Variants in ITGB1BP2 observed in about 807,000 individuals in gnomAD.
ITGB1BP2 encodes the protein integrin beta-1-binding protein 2.
Under a neutral mutation model 32.2 loss-of-function variants are expected in ITGB1BP2, and 27 were observed. The ratio of observed to expected loss-of-function variants is 0.84; its 90% CI spans 0.62 to 1.16. The LOEUF (loss-of-function observed/expected upper bound fraction) is 1.16, where lower values mean the gene tolerates loss of function less well. Ranked by LOEUF, ITGB1BP2 falls within the 50% of genes most tolerant of loss-of-function variation. The pLI, the probability that ITGB1BP2 is intolerant of heterozygous loss-of-function variation, is 0.00. For missense variants in ITGB1BP2, 250 were observed against 267.3 expected (o/e 0.94, Z 0.45); for synonymous variants, 105 against 94.7 (o/e 1.11, Z -0.63).
Position 71,302,297 on chromosome X carries a change from GCGAA to G in ITGB1BP2, c.137_140del (p.Arg46LeufsTer2), listed in dbSNP as rs771775702. On this transcript the variant is annotated frameshift_variant, in exon 3 of 11. Coordinates refer to ENST00000373829, the MANE Select transcript of ITGB1BP2 (RefSeq NM_012278.4). LOFTEE classifies it high-confidence loss of function. ...ATCAGGGTTGGTCCTGCTGCCGAAA[GCGAA>G]CTGTAGATTTCTCTGAGTTCTTAAA... The G allele has an allele frequency of 1.2e-5, 14 of 1,211,369 alleles. No individual in the cohort carries two copies. The highest frequency in any genetic ancestry group is 2.3e-4 in the Middle Eastern group (1 of 4,355).
chrX:71,301,957 GA>G, intron 1 of ITGB1BP2, 87 bp downstream of exon 1: 1 of 931,520 alleles, frequency 1.1e-6, no homozygotes, highest in Non-Finnish European at 1.5e-6. Context: ...GAGGAGCGGG[GA>G]AAGAAACTAC....
intron 10 of ITGB1BP2, 85 bp downstream of exon 10, chrX:71,304,689 G>A: frequency 1.3e-6 from 1 of 780,352 alleles, no homozygotes; most frequent in South Asian, 2.3e-5. Flanking sequence ...CTTGAGGGAA[G>A]GAGTTGTACT....
chrX:71,302,471 C>T lies in ITGB1BP2; in HGVS notation c.232C>T (p.Pro78Ser), dbSNP rs2031631150. The T allele has an allele frequency of 2.5e-6, 3 of 1,211,202 alleles. No homozygotes were observed. Among genetic ancestry groups the T allele is most frequent in the Non-Finnish European group, 3.4e-6 (3 of 895,170 alleles). ...KLPEAPQPEG[P>S]ATSSSLQEQK... ...TCCTGAGGCCCCTCAACCTGAAGGC[C>T]CTGCTACAAGCAGTTCACTTCAGGA... Residue 78 changes from proline (P) to serine (S), a missense_variant, in exon 4 of 11, where the codon CCT (proline) becomes TCT (serine). By Grantham distance (74) the Pro-to-Ser change is moderately conservative (BLOSUM62 -1). Coordinates refer to ENST00000373829, the MANE Select transcript of ITGB1BP2 (RefSeq NM_012278.4).
At chrX:71,302,975 C>T (rs1276566848) in intron 4 of ITGB1BP2, among the ~76,000 whole-genome samples, 3 of 111,511 alleles carry the variant, frequency 2.7e-5, no homozygotes, top group African/African-American at 9.8e-5. Flanking sequence ...CATATTAGGT[C>T]CACGATTAGA....
chrX:71,303,730 A>G lies in ITGB1BP2; in HGVS notation c.539+33A>G, dbSNP rs16992475. The G allele has an allele frequency of 1.1e-3, 1,303 of 1,189,039 alleles. 10 individuals carry two copies. In the African/African-American group the frequency reaches 0.02, roughly 18 times the overall value. On this transcript the variant is annotated intron_variant, in intron 7 of 10. Transcript: ENST00000373829. The stretch of plus-strand genomic sequence containing the variant: ...AGGGGACTGGGTGGGCTATGAGGCT[A>G]TGAGACAGGTTTCTCCTAATATTTG...
chrX:71,303,784 A>G (rs2031653384), intron 7 of ITGB1BP2, 28 bp from the exon 8 acceptor site: 1 of 1,182,663 alleles, frequency 8.5e-7, no homozygotes, highest in Non-Finnish European at 1.1e-6. Flanking sequence ...GGGTGAGAGA[A>G]TTCAGTTGAA....
At chrX:71,303,580 AG>A in intron 6 of ITGB1BP2, 46 bp from the exon 7 acceptor site, 16 of 1,202,457 alleles carry the variant, frequency 1.3e-5, no homozygotes, top group Non-Finnish European at 1.8e-5. Context: ...AGATAGGCTG[AG>A]TAGGATATAC....
intron 1 of ITGB1BP2, 69 bp downstream of exon 1, chrX:71,301,939 G>C (rs1216165353): frequency 2.0e-6 from 2 of 993,022 alleles, no homozygotes; most frequent in Admixed American, 4.6e-5. Flanking sequence ...CTGGGGGGCA[G>C]TGTGTTTGAG....
intron 5 of ITGB1BP2, 49 bp downstream of exon 5, chrX:71,303,405 A>C (rs754718777): frequency 2.5e-6 from 3 of 1,207,824 alleles, no homozygotes; most frequent in Non-Finnish European, 3.4e-6. Flanking sequence ...AATTTAGTGG[A>C]AGTGGCAATT....
Position 71,305,263 on chromosome X carries a change from T to C in ITGB1BP2, c.*71T>C. On this transcript the variant is annotated 3_prime_UTR_variant, in exon 11 of 11. Transcript: ENST00000373829. ...TAGAATCTTAGATACCAGGATATTG[T>C]TGGCCATGTGGCATCATTGAGCAGC... 1.0e-6 allele frequency: 1 copy of C among 960,040 alleles called. No individual in the cohort carries two copies. Among genetic ancestry groups the C allele is most frequent in the Non-Finnish European group, 1.4e-6 (1 of 697,383 alleles). The allele number at this position is 960,040 out of a possible 1,213,427, so 79.1% of individuals were successfully genotyped here. A position where few individuals can be genotyped will look rare whatever the true frequency, so the allele number is the denominator to read the frequency against.
At chrX:71,302,207 G>A (rs768768529) in intron 2 of ITGB1BP2, 21 bp downstream of exon 2, 4 of 1,210,497 alleles carry the variant, frequency 3.3e-6, no homozygotes, top group Non-Finnish European at 4.5e-6. Context: ...GGTGAGGGGG[G>A]TTAGCAAGAG....
At chrX:71,302,688 T>A in intron 4 of ITGB1BP2, 132 bp downstream of exon 4, 1 of 725,075 alleles carries the variant, frequency 1.4e-6, no homozygotes, top group Non-Finnish European at 2.0e-6. Flanking sequence ...TTGGATGGTG[T>A]ATATCCTGTG....
At chrX:71,304,378 G>T (rs2031663403) in intron 9 of ITGB1BP2, 78 bp downstream of exon 9, 1 of 914,866 alleles carries the variant, frequency 1.1e-6, no homozygotes. Context: ...GTTGCCATTT[G>T]CTGTTAACCT....
At position 71,305,117 on chromosome X, in the gene ITGB1BP2, G is replaced by C. The variant is rs745641888; in HGVS notation, c.969G>C (p.Glu323Asp). The C allele has an allele frequency of 2.0e-5, 24 of 1,208,839 alleles. No individual in the cohort carries two copies. The South Asian group carries it at 3.7e-4, about 19-fold the overall frequency. ...CAGGGGTTGTGTTAGAGATGGATGA[G>C]GAAGAATCTGACGATTCAGATGATG... is the stretch of plus-strand genomic sequence containing the variant. Reference protein sequence around the residue: ...ARAGVVLEMDEEESDDSDDDL... With the variant: ...ARAGVVLEMDDEESDDSDDDL... The change falls in exon 11 of 11, where the codon GAG (glutamate) becomes GAC (aspartate). Residue 323 changes from glutamate (E) to aspartate (D), a missense_variant. Coordinates refer to ENST00000373829, the MANE Select transcript of ITGB1BP2 (RefSeq NM_012278.4).
At position 71,303,456 on chromosome X, in the gene ITGB1BP2, C is replaced by T; in HGVS notation, c.413-5C>T. The T allele has an allele frequency of 8.3e-7, 1 of 1,211,340 alleles. No homozygotes were observed. The highest frequency in any genetic ancestry group is 1.1e-6 in the Non-Finnish European group (1 of 895,305). On this transcript the variant is annotated splice_polypyrimidine_tract_variant and splice_region_variant and intron_variant, in intron 5 of 10. Transcript: ENST00000373829. ...TAAGTTCCTGACTCTGTTTCCCTTG[C>T]CCAGGACTTGACAGTCTGATCCGGA...
At position 71,301,797 on chromosome X, in the gene ITGB1BP2, C is replaced by G; in HGVS notation, c.-10C>G. On this transcript the variant is annotated 5_prime_UTR_variant, in exon 1 of 11. Coordinates refer to ENST00000373829, the MANE Select transcript of ITGB1BP2 (RefSeq NM_012278.4). ...AATACCCTTTCAGTAATCATTCAAC[C>G]AACGCTTCCATGTCTCTACTCTGTC... 1 of 1,205,451 alleles carries G rather than the reference C, an allele frequency of 8.3e-7. No individual in the cohort carries two copies. The highest frequency in any genetic ancestry group is 1.1e-6 in the Non-Finnish European group (1 of 890,437).
chrX:71,302,703 A>T lies in ITGB1BP2; in HGVS notation c.317+147A>T, dbSNP rs933787621. ...TTGGATGGTGTATATCCTGTGCCTT[A>T]GGGGAAATTTGTGTCTGGAAATAAC... On this transcript the variant is annotated intron_variant, in intron 4 of 10. Transcript: ENST00000373829. The T allele has an allele frequency of 7.3e-5, 47 of 639,581 alleles. No homozygotes were observed. In the East Asian group the frequency reaches 1.3e-3, roughly 17 times the overall value. The allele number at this position is 639,581 out of a possible 1,213,427, so 52.7% of individuals were successfully genotyped here.
intron 1 of ITGB1BP2, 123 bp from the exon 2 acceptor site, chrX:71,302,013 GC>G (rs2031619427): frequency 3.5e-6 from 3 of 867,913 alleles, no homozygotes; most frequent in Admixed American, 6.8e-5. Context: ...GCCTTTGCTG[GC>G]TTTTTTTTTT....
At chrX:71,303,050 A>C (rs777933392) in intron 4 of ITGB1BP2, among the ~76,000 whole-genome samples, 1 of 111,813 alleles carries the variant, frequency 8.9e-6, no homozygotes, top group Non-Finnish European at 1.9e-5. Context: ...GCAACTGAGT[A>C]GATGGGTAAG....
Sources: allele counts gnomAD v4.1 joint callset (sites outside exome capture counted in the v4.1 genomes callset), GRCh38; gene constraint gnomAD v4.1.1; transcripts MANE v1.5; gene names NCBI Gene and HGNC (gene_info 2026-07-23, HGNC 2026-07-21).